PKD1L1: variants seen among roughly 807,000 people sequenced by gnomAD.
PKD1L1 encodes the protein polycystin 1 like 1, transient receptor potential channel interacting.
In PKD1L1, 236 loss-of-function variants were observed where a neutral mutation model predicts 323.4. The observed-to-expected ratio is 0.73, with a 90% CI of 0.66 to 0.81. The LOEUF (loss-of-function observed/expected upper bound fraction) is 0.81. PKD1L1 is among the 40% of genes least tolerant of loss of function. The probability of loss-of-function intolerance (pLI) is 0.00; values close to 1 mark genes in which losing one functional copy is unlikely to be tolerated. For synonymous variants in PKD1L1, 1,344 were observed against 1,335.0 expected, an observed-to-expected ratio of 1.01 and a Z score of -0.15; for missense variants, 3,320 against 3,508.0, an observed-to-expected ratio of 0.95 and a Z score of 1.35.
intron 15 of PKD1L1, among the ~76,000 whole-genome samples, chr7:47,893,385 T>TCC (rs1786866064): frequency 6.6e-6 from 1 of 151,534 alleles, no homozygotes; most frequent in South Asian, 2.1e-4. Context: ...CAGCCCAGAG[T>TCC]CCGGAGAATG....
Position 47,885,868 on chromosome 7 carries a change from G to A in PKD1L1, c.3023C>T (p.Thr1008Ile). 6.2e-7 allele frequency: 1 copy of A among 1,614,210 alleles called. No homozygotes were observed. Among genetic ancestry groups the A allele is most frequent in the Non-Finnish European group, 8.5e-7 (1 of 1,180,046 alleles). Residue 1008 changes from threonine (T) to isoleucine (I), a missense_variant, in exon 18 of 57, where the codon ACC becomes ATC. Thr to Ile is a moderately conservative substitution (Grantham distance 89). Coordinates refer to ENST00000289672, the MANE Select transcript of PKD1L1 (RefSeq NM_138295.5). The stretch of plus-strand genomic sequence containing the variant: ...GACTCCAGTCATGGGCTCTGTGGGG[G>A]TTCCCCTTGGAGCTGAAGTGGCAGG... Reference protein sequence around the residue: ...GQPATSAPRGTPTEPMTGVYW... With the variant: ...GQPATSAPRGIPTEPMTGVYW...
chr7:47,846,213 C>A (rs1214550277), intron 32 of PKD1L1, among the ~76,000 whole-genome samples: 2 of 152,100 alleles, frequency 1.3e-5, no homozygotes, highest in Non-Finnish European at 2.9e-5. Flanking sequence ...CTAAATATGA[C>A]TAATAATTGT....
chr7:47,803,465 T>G, intron 52 of PKD1L1, 121 bp from the exon 53 acceptor site: 1 of 1,160,012 alleles, frequency 8.6e-7, no homozygotes, highest in East Asian at 2.5e-5. Flanking sequence ...TATAGACCCA[T>G]GAGTCTCCGA....
intron 56 of PKD1L1, among the ~76,000 whole-genome samples, chr7:47,789,843 A>G (rs115059809): frequency 0.013 from 2,019 of 152,210 alleles, 46 homozygotes; most frequent in African/African-American, 0.046. Flanking sequence ...AAATATAGTA[A>G]ATACTATCCA....
At chr7:47,833,352 G>T (rs1197195022) in intron 40 of PKD1L1, 100 bp from the exon 41 acceptor site, 15 of 1,342,792 alleles carry the variant, frequency 1.1e-5, no homozygotes, top group Non-Finnish European at 1.3e-5. Context: ...CAGAGGACAG[G>T]CCTGGCATGG....
chr7:47,840,396 T>C lies in PKD1L1; in HGVS notation c.5552+65A>G. 4 of 1,176,720 alleles carry C rather than the reference T, an allele frequency of 3.4e-6. No homozygotes were observed. Among genetic ancestry groups the C allele is most frequent in the Non-Finnish European group, 3.8e-6 (3 of 790,284 alleles). The allele number at this position is 1,176,720 out of a possible 1,614,324, so 72.9% of individuals were successfully genotyped here. On this transcript the variant is annotated intron_variant, in intron 35 of 56. Transcript: ENST00000289672. The surrounding 1 kb of genome is among the most constrained non-coding windows in gnomAD (Gnocchi z 4.1). ...GTATTCTACTGTTTTGTATTTGTGA[T>C]AAGGTTACACCAATTCTGATTGGCC...
intron 8 of PKD1L1, among the ~76,000 whole-genome samples, chr7:47,914,621 TG>T (rs534487116): frequency 6.8e-4 from 103 of 152,356 alleles, no homozygotes; most frequent in African/African-American, 2.3e-3. Flanking sequence ...GGGCCAACCC[TG>T]TGGGAGGATC....
intron 14 of PKD1L1, among the ~76,000 whole-genome samples, chr7:47,896,124 C>T (rs1786929581): frequency 6.6e-6 from 1 of 151,962 alleles, no homozygotes; most frequent in African/African-American, 2.4e-5. Context: ...ATTGCTTGAG[C>T]CCAGGAGTTC....
intron 31 of PKD1L1, among the ~76,000 whole-genome samples, chr7:47,847,395 G>T (rs993147901): frequency 2.6e-5 from 4 of 152,292 alleles, no homozygotes; most frequent in South Asian, 2.1e-4. Context: ...CCTTAGTGGG[G>T]ATGGAAGAGG....
chr7:47,847,497 T>C (rs1785690900), intron 31 of PKD1L1, among the ~76,000 whole-genome samples: 1 of 152,144 alleles, frequency 6.6e-6, no homozygotes, highest in African/African-American at 2.4e-5. Flanking sequence ...ATACCCAGGG[T>C]CTAAACCCAT....
intron 7 of PKD1L1, among the ~76,000 whole-genome samples, chr7:47,928,722 T>G (rs534684798): frequency 3.3e-5 from 5 of 152,334 alleles, no homozygotes; most frequent in Admixed American, 3.3e-4. Flanking sequence ...GGTCCAACGC[T>G]GGAATGTAAA....
intron 19 of PKD1L1, among the ~76,000 whole-genome samples, chr7:47,883,345 C>A (rs1334677012): frequency 6.6e-6 from 1 of 152,320 alleles, no homozygotes; most frequent in Middle Eastern, 3.4e-3. Flanking sequence ...CCACCCCCAA[C>A]AAATCATCCT....
At chr7:47,878,855 C>T (rs1185707051) in intron 21 of PKD1L1, among the ~76,000 whole-genome samples, 1 of 152,210 alleles carries the variant, frequency 6.6e-6, no homozygotes, top group Non-Finnish European at 1.5e-5. Context: ...TGACAGGAGA[C>T]CTGGAGCCTG....
rs531385994 is a variant in PKD1L1 at position 47,945,565 on chromosome 7, G to A, written c.45-2054C>T. The stretch of plus-strand genomic sequence containing the variant: ...CTATGCTTGTCTTCCAAAGGCCAGA[G>A]AAATGAAAAAATAAAAAATAACAAT... On this transcript the variant is annotated intron_variant, in intron 1 of 56. Transcript: ENST00000289672. 7.2e-5 allele frequency among the ~76,000 whole-genome samples: 11 copies of A among 152,002 alleles called. No homozygotes were observed. In the East Asian group the frequency reaches 2.1e-3, roughly 29 times the overall value.
At chr7:47,852,722 C>G (rs541600563) in intron 31 of PKD1L1, among the ~76,000 whole-genome samples, 1 of 152,128 alleles carries the variant, frequency 6.6e-6, no homozygotes, top group Admixed American at 6.5e-5. Flanking sequence ...CCTATTGATA[C>G]GTGAGACACA....
intron 53 of PKD1L1, 76 bp downstream of exon 53, chr7:47,803,134 C>T: frequency 6.4e-7 from 1 of 1,570,412 alleles, no homozygotes; most frequent in South Asian, 1.1e-5. Flanking sequence ...GTTTGTTTTT[C>T]CCTTGAGAAA....
At position 47,877,551 on chromosome 7, in the gene PKD1L1, G is replaced by A. The variant is rs1786435779; in HGVS notation, c.3601C>T (p.Gln1201Ter). ...TGTGCTTCCAGACCATGGTGGGGCT[G>A]CACCTGACAGGCCATGTCCCGAGGA... Reference protein sequence around the residue: ...PAPRDMACQVQPHHGLEAHTV... With the variant: ...PAPRDMACQV Residue 1201 changes from glutamine to a stop codon, truncating the protein, a stop_gained, in exon 22 of 57, where the codon CAG (glutamine) becomes TAG (stop). Coordinates refer to ENST00000289672, the MANE Select transcript of PKD1L1 (RefSeq NM_138295.5). LOFTEE classifies it high-confidence loss of function. 2 of 1,614,056 alleles carry A rather than the reference G, an allele frequency of 1.2e-6. No homozygotes were observed. The highest frequency in any genetic ancestry group is 1.7e-4 in the Middle Eastern group (1 of 6,054).
intron 10 of PKD1L1, 86 bp downstream of exon 10, chr7:47,905,757 A>G (rs545293229): frequency 6.4e-7 from 1 of 1,554,334 alleles, no homozygotes; most frequent in Admixed American, 2.1e-5. Context: ...CGATAACAAA[A>G]CCTGCTGCTG....
intron 45 of PKD1L1, among the ~76,000 whole-genome samples, chr7:47,826,564 A>AT (rs1785243525): frequency 6.6e-6 from 1 of 152,174 alleles, no homozygotes; most frequent in Non-Finnish European, 1.5e-5. Flanking sequence ...GTGACATGCT[A>AT]TTTTTTAAAA....
Sources: gnomAD v4.1 joint callset for allele counts (sites outside exome capture counted in the v4.1 genomes callset) on GRCh38, gnomAD v4.1.1 for gene constraint, Gnocchi (gnomAD v3.1) non-coding constraint, MANE v1.5 for transcripts, NCBI Gene and HGNC (gene_info 2026-07-23, HGNC 2026-07-21) for gene names.